METTL6: variants seen among roughly 807,000 people sequenced by gnomAD.
METTL6 encodes methyltransferase 6, tRNA N3-cytidine.
METTL6 carries 22 observed loss-of-function variants against 26.4 expected under a neutral mutation model. That is an observed-to-expected ratio of 0.83 (90% CI 0.59 to 1.19). METTL6 has a LOEUF of 1.19. Ranked by LOEUF, METTL6 falls within the 50% of genes most tolerant of loss-of-function variation. The probability of loss-of-function intolerance (pLI) is 0.00; values close to 1 mark genes in which losing one functional copy is unlikely to be tolerated. For synonymous variants in METTL6, 109 were observed against 116.2 expected, an observed-to-expected ratio of 0.94 and a Z score of 0.40; for missense variants, 304 against 324.8, an observed-to-expected ratio of 0.94 and a Z score of 0.49.
chr3:15,394,770 A>T (rs1432317805), intron 6 of METTL6, among the ~76,000 whole-genome samples: 1 of 152,224 alleles, frequency 6.6e-6, no homozygotes, highest in African/African-American at 2.4e-5. Flanking sequence ...GTAGTCATTC[A>T]GGAGCAAGTT....
At chr3:15,388,172 G>A (rs1369355539) in intron 6 of METTL6, among the ~76,000 whole-genome samples, 3 of 152,052 alleles carry the variant, frequency 2.0e-5, no homozygotes, top group Non-Finnish European at 4.4e-5. Flanking sequence ...GTGCAATGGC[G>A]CAATCTCCAC....
intron 3 of METTL6, 47 bp downstream of exon 3, chr3:15,424,908 C>T (rs754515634): frequency 4.9e-5 from 79 of 1,609,268 alleles, no homozygotes; most frequent in Non-Finnish European, 6.1e-5. Context: ...CAAACAAGAT[C>T]GGCAAGAAAA....
intron 2 of METTL6, among the ~76,000 whole-genome samples, chr3:15,425,670 G>A (rs962385912): frequency 2.0e-5 from 3 of 152,234 alleles, no homozygotes; most frequent in South Asian, 2.1e-4. Context: ...GGCACAAGCC[G>A]CCTGCCTCAG....
At chr3:15,384,047 G>T in exon 7 of METTL6, 1 of 355,004 alleles carries the variant, frequency 2.8e-6, no homozygotes, top group African/African-American at 2.3e-5. Flanking sequence ...CTGGATAAAG[G>T]GTTACCAGGC....
At chr3:15,394,946 T>C (rs545131994) in intron 6 of METTL6, among the ~76,000 whole-genome samples, 67 of 152,360 alleles carry the variant, frequency 4.4e-4, no homozygotes, top group Non-Finnish European at 8.7e-4. Context: ...GGAATAGGTG[T>C]GGTGTGGTGC....
At chr3:15,407,487 G>T (rs536546222), downstream of METTL6, among the ~76,000 whole-genome samples, 5 of 152,158 alleles carry the variant, frequency 3.3e-5, no homozygotes, top group South Asian at 8.3e-4. Context: ...AAAGGAAGAC[G>T]ACTTCATCAA....
chr3:15,402,846 G>A (rs562801379), intron 6 of METTL6, among the ~76,000 whole-genome samples: 2 of 151,584 alleles, frequency 1.3e-5, no homozygotes, highest in Non-Finnish European at 2.9e-5. Context: ...AGGAGTAATT[G>A]GGGAATTGCG....
chr3:15,399,603 G>T (rs13095978), intron 6 of METTL6: 53,405 of 144,816 alleles, frequency 0.37, 10,472 homozygotes, highest in East Asian at 0.49. Flanking sequence ...GCGGGGGGCG[G>T]TTGGGGGGTA....
intron 5 of METTL6, among the ~76,000 whole-genome samples, chr3:15,412,806 A>C (rs1700028453): frequency 1.3e-5 from 2 of 152,184 alleles, no homozygotes; most frequent in Non-Finnish European, 2.9e-5. Flanking sequence ...TTGGTATCTA[A>C]AAGAATATTT....
chr3:15,424,905 G>T (rs1203463574), intron 3 of METTL6, 50 bp downstream of exon 3: 2 of 1,609,360 alleles, frequency 1.2e-6, no homozygotes, highest in East Asian at 4.5e-5. Flanking sequence ...GATCAAACAA[G>T]ATCGGCAAGA....
At chr3:15,393,528 A>G (rs1323988521) in intron 6 of METTL6, among the ~76,000 whole-genome samples, 2 of 152,186 alleles carry the variant, frequency 1.3e-5, no homozygotes, top group African/African-American at 4.8e-5. Flanking sequence ...AACTTCCAAC[A>G]CTATGTTGAA....
rs904084845 is a variant in METTL6, at chr3:15,410,362, G to A, written c.*894C>T. 7.9e-5 allele frequency among the ~76,000 whole-genome samples: 12 copies of A among 151,870 alleles called. No individual in the cohort carries two copies. Among genetic ancestry groups the A allele is most frequent in the South Asian group, 2.1e-4 (1 of 4,814 alleles). On this transcript the variant is annotated 3_prime_UTR_variant, in exon 6 of 6. Transcript: ENST00000383790. The stretch of plus-strand genomic sequence containing the variant: ...TTTTGAGACAGACTTTTGCTCTGTC[G>A]CCCAGGCTGGAGTGCAGTAGCGTGA...
chr3:15,395,047 G>C lies in METTL6; in HGVS notation c.*12-10860C>G, dbSNP rs1211434188. The stretch of plus-strand genomic sequence containing the variant: ...GGTGCAGAGCTGAGTTCAAGTCCTG[G>C]ATATCCTTGTTAACTTTCTGTCTCG... On this transcript the variant is annotated intron_variant, in intron 6 of 6. Transcript: ENST00000443029. 5.3e-5 allele frequency among the ~76,000 whole-genome samples: 8 copies of C among 152,116 alleles called. No homozygotes were observed. The East Asian group carries it at 1.5e-3, about 29-fold the overall frequency.
rs1020145125 is a variant in METTL6 at position 15,427,489 on chromosome 3, G to T, written c.-212C>A. ...AACCAATTCTGAGGACCACGAATTCGGATTATCCGGGAGTTCTTTTGCCAT... is the reference window on the plus strand; with the variant it reads ...AACCAATTCTGAGGACCACGAATTCTGATTATCCGGGAGTTCTTTTGCCAT... On this transcript the variant is annotated 5_prime_UTR_variant, in exon 1 of 6. Transcript: ENST00000383790. 8.4e-6 allele frequency: 4 copies of T among 476,300 alleles called. No individual in the cohort carries two copies. The highest frequency in any genetic ancestry group is 6.0e-5 in the African/African-American group (3 of 49,620). The allele number at this position is 476,300 out of a possible 1,614,324, so 29.5% of individuals were successfully genotyped here.
At chr3:15,385,952 G>A (rs141316507) in intron 6 of METTL6, among the ~76,000 whole-genome samples, 6 of 152,296 alleles carry the variant, frequency 3.9e-5, no homozygotes, top group Non-Finnish European at 5.9e-5. Flanking sequence ...GACCTTGCAC[G>A]AGAAAAGAAT....
chr3:15,411,201 G>C lies in METTL6; in HGVS notation c.*55C>G, dbSNP rs1240103598. 10 of 1,562,800 alleles carry C rather than the reference G, an allele frequency of 6.4e-6. No homozygotes were observed. In the East Asian group the frequency reaches 1.8e-4, roughly 28 times the overall value. ...TGAGCCACCGCACCCAGACGAAAGA[G>C]TGATTTTAAATTTTCCTCTTCAAGG... On this transcript the variant is annotated 3_prime_UTR_variant, in exon 6 of 6. Coordinates refer to ENST00000383790, the MANE Select transcript of METTL6 (RefSeq NM_152396.4).
At chr3:15,389,164 T>C (rs1327241654) in intron 6 of METTL6, among the ~76,000 whole-genome samples, 2 of 151,954 alleles carry the variant, frequency 1.3e-5, no homozygotes, top group Non-Finnish European at 2.9e-5. Context: ...CCTTTTTTTT[T>C]TTTCTAAGTT....
chr3:15,397,528 C>G (rs1699524807), intron 6 of METTL6, among the ~76,000 whole-genome samples: 1 of 152,140 alleles, frequency 6.6e-6, no homozygotes, highest in African/African-American at 2.4e-5. Context: ...GTGAGATGCA[C>G]CCGGTACCTC....
chr3:15,403,288 TAA>T (rs1699698681), intron 6 of METTL6, among the ~76,000 whole-genome samples: 2 of 152,214 alleles, frequency 1.3e-5, no homozygotes, highest in Non-Finnish European at 2.9e-5. Context: ...ATTTAATTTA[TAA>T]TTATTTCTAA....
Sources: allele counts gnomAD v4.1 joint callset (sites outside exome capture counted in the v4.1 genomes callset), GRCh38; gene constraint gnomAD v4.1.1; transcripts MANE v1.5; gene names NCBI Gene and HGNC (gene_info 2026-07-23, HGNC 2026-07-21).